The following TMPRSS11A variants were observed in gnomAD, a reference collection of about 807,000 sequenced individuals.
The protein encoded by TMPRSS11A is transmembrane protease serine 11A.
A neutral mutation model predicts 58.9 loss-of-function variants in TMPRSS11A; 53 were observed. The observed-to-expected ratio is 0.90, with a 90% CI of 0.72 to 1.13. The LOEUF (loss-of-function observed/expected upper bound fraction) is 1.13, where lower values mean the gene tolerates loss of function less well. Ranked by LOEUF, TMPRSS11A falls within the 50% of genes most tolerant of loss-of-function variation. The probability of loss-of-function intolerance (pLI) is 0.00; values close to 1 mark genes in which losing one functional copy is unlikely to be tolerated. For missense variants in TMPRSS11A, 493 were observed against 499.3 expected (o/e 0.99, Z 0.12); for synonymous variants, 167 against 169.8 (o/e 0.98, Z 0.13).
At chr4:67,924,587 A>G (rs572565294) in intron 5 of TMPRSS11A, among the ~76,000 whole-genome samples, 2 of 152,304 alleles carry the variant, frequency 1.3e-5, no homozygotes, top group South Asian at 2.1e-4. Flanking sequence ...TAATTTATAA[A>G]GAAAAAGAGG....
Position 67,932,079 on chromosome 4 carries a change from G to C in TMPRSS11A, c.253-19C>G, listed in dbSNP as rs753471886. On this transcript the variant is annotated intron_variant, in intron 3 of 9. Transcript: ENST00000508048. ...CATCCACCTGTTACACAACAAGAGA[G>C]AAACTATGTGTTAATAATATATTTT... 1.5e-6 allele frequency: 2 copies of C among 1,356,218 alleles called. No homozygotes were observed. Among genetic ancestry groups the C allele is most frequent in the Non-Finnish European group, 2.1e-6 (2 of 950,048 alleles). 84.0% of individuals were successfully genotyped at this position (1,356,218 alleles called of 1,614,324 possible). A position where few individuals can be genotyped will look rare whatever the true frequency, so the allele number is the denominator to read the frequency against.
At chr4:67,919,733 C>T (rs572878981) in intron 7 of TMPRSS11A, among the ~76,000 whole-genome samples, 13 of 152,228 alleles carry the variant, frequency 8.5e-5, no homozygotes, top group East Asian at 3.9e-4. Flanking sequence ...ATTTTGATAA[C>T]GCATTTGGGC....
chr4:67,937,839 G>A (rs904101051), intron 3 of TMPRSS11A, among the ~76,000 whole-genome samples: 1 of 151,952 alleles, frequency 6.6e-6, no homozygotes, highest in African/African-American at 2.4e-5. Flanking sequence ...CCACATCTTT[G>A]CTATTGTGAA....
intron 1 of TMPRSS11A, among the ~76,000 whole-genome samples, chr4:67,962,273 G>A (rs10030943): frequency 2.8e-4 from 42 of 152,146 alleles, no homozygotes; most frequent in African/African-American, 9.9e-4. Flanking sequence ...GATTACTGAA[G>A]GACTGATGCA....
chr4:67,953,861 T>C (rs569975100), intron 1 of TMPRSS11A, among the ~76,000 whole-genome samples: 1 of 152,244 alleles, frequency 6.6e-6, no homozygotes, highest in East Asian at 1.9e-4. Context: ...AAGGTGGCTC[T>C]AGATGTATTC....
intron 2 of TMPRSS11A, among the ~76,000 whole-genome samples, 169 bp from the exon 3 acceptor site, chr4:67,944,806 T>G (rs1265297211): frequency 6.6e-6 from 1 of 152,192 alleles, no homozygotes; most frequent in Non-Finnish European, 1.5e-5. Flanking sequence ...TAGCTGCCAT[T>G]TATTGAGTTT....
intron 3 of TMPRSS11A, among the ~76,000 whole-genome samples, chr4:67,936,059 GA>G (rs1261749434): frequency 2.0e-5 from 3 of 152,090 alleles, no homozygotes; most frequent in African/African-American, 7.2e-5. Context: ...TGCCCAAGTT[GA>G]CACCACAGAG....
rs1313545550 is a variant in TMPRSS11A at position 67,909,772 on chromosome 4, A to C, written c.*1570T>G. Reference sequence around the variant, plus strand: ...ATTCAATAAAAATAGTTAAGAATTCAATAAAAATAGTTAAGAATATACTCA... The same window carrying C: ...ATTCAATAAAAATAGTTAAGAATTCCATAAAAATAGTTAAGAATATACTCA... On this transcript the variant is annotated 3_prime_UTR_variant, in exon 10 of 10. Coordinates refer to ENST00000508048, the MANE Select transcript of TMPRSS11A (RefSeq NM_001114387.2). 1 of 152,144 alleles carries C rather than the reference A, an allele frequency of 6.6e-6. No individual in the cohort carries two copies. Among genetic ancestry groups the C allele is most frequent in the Non-Finnish European group, 1.5e-5 (1 of 67,974 alleles). 9.4% of individuals were successfully genotyped at this position (152,144 alleles called of 1,614,324 possible).
chr4:67,944,532 G>A lies in TMPRSS11A; in HGVS notation c.239C>T (p.Thr80Met), dbSNP rs187902089. ...NTYQLKDLRE[T>M]TENLVDEIFI... ...TACCTGACTCACCAAATTTTCGGTC[G>A]TCTCTCGTAAGTCCTTAAGTTGATA... Residue 80 changes from threonine (T) to methionine (M), a missense_variant, in exon 3 of 10, where the codon ACG becomes ATG. Thr to Met is a moderately conservative substitution (Grantham distance 81). Coordinates refer to ENST00000508048, the MANE Select transcript of TMPRSS11A (RefSeq NM_001114387.2). The A allele has an allele frequency of 4.8e-5, 77 of 1,607,270 alleles. No homozygotes were observed. The highest frequency in any genetic ancestry group is 3.3e-4 in the Middle Eastern group (2 of 6,034).
At chr4:67,962,989 C>A (rs186289488) in intron 1 of TMPRSS11A, among the ~76,000 whole-genome samples, 43 of 152,162 alleles carry the variant, frequency 2.8e-4, no homozygotes, top group Non-Finnish European at 5.1e-4. Flanking sequence ...GTAAACACAG[C>A]GAAAGAGAAA....
At chr4:67,955,377 C>T (rs1721261150) in intron 1 of TMPRSS11A, among the ~76,000 whole-genome samples, 1 of 152,158 alleles carries the variant, frequency 6.6e-6, no homozygotes, top group Non-Finnish European at 1.5e-5. Context: ...TGTGTACGCA[C>T]ACTTAGCTTT....
rs531997355 is a variant in TMPRSS11A, at chr4:67,909,548, A to C, written c.*1794T>G. 2.0e-5 allele frequency: 3 copies of C among 152,316 alleles called. No homozygotes were observed. Among genetic ancestry groups the C allele is most frequent in the Non-Finnish European group, 4.4e-5 (3 of 67,996 alleles). 9.4% of individuals were successfully genotyped at this position (152,316 alleles called of 1,614,324 possible). A position where few individuals can be genotyped will look rare whatever the true frequency, so the allele number is the denominator to read the frequency against. Reference sequence around the variant, plus strand: ...ATCTGAACATCCAAAGTCAGCATTAAGTTTTACCACCATAATATAGAATAA... The same window carrying C: ...ATCTGAACATCCAAAGTCAGCATTACGTTTTACCACCATAATATAGAATAA... On this transcript the variant is annotated 3_prime_UTR_variant, in exon 10 of 10. Transcript: ENST00000508048.
intron 1 of TMPRSS11A, among the ~76,000 whole-genome samples, chr4:67,947,541 T>C (rs2118622): frequency 1 from 152,127 of 152,318 alleles, 75,969 homozygotes; most frequent in Middle Eastern, 1. Context: ...ATTGGATTAC[T>C]TTTAGATTTT....
intron 7 of TMPRSS11A, among the ~76,000 whole-genome samples, chr4:67,919,654 A>G (rs750236979): frequency 5.9e-5 from 9 of 152,244 alleles, no homozygotes; most frequent in African/African-American, 1.9e-4. Flanking sequence ...ATAATCTTAA[A>G]CATTGATAAA....
At chr4:67,932,168 T>C in intron 3 of TMPRSS11A, 108 bp from the exon 4 acceptor site, 1 of 582,566 alleles carries the variant, frequency 1.7e-6, no homozygotes, top group Non-Finnish European at 3.0e-6. Context: ...AGAACTAACA[T>C]CATTATTTAA....
intron 2 of TMPRSS11A, among the ~76,000 whole-genome samples, chr4:67,945,069 G>A (rs1720970141): frequency 6.6e-6 from 1 of 152,166 alleles, no homozygotes; most frequent in Non-Finnish European, 1.5e-5. Flanking sequence ...ATACACTCTA[G>A]TGGAAGTAGA....
At chr4:67,961,291 A>G (rs1230895362) in intron 1 of TMPRSS11A, among the ~76,000 whole-genome samples, 1 of 152,112 alleles carries the variant, frequency 6.6e-6, no homozygotes, top group Non-Finnish European at 1.5e-5. Context: ...GTATTGTAGT[A>G]ATTATTAACC....
intron 3 of TMPRSS11A, among the ~76,000 whole-genome samples, chr4:67,941,263 T>C (rs1720873779): frequency 6.6e-6 from 1 of 152,184 alleles, no homozygotes; most frequent in Non-Finnish European, 1.5e-5. Context: ...GTTGTATTCA[T>C]TGGGATTTAG....
chr4:67,947,521 T>C (rs987973911), intron 1 of TMPRSS11A, among the ~76,000 whole-genome samples: 12 of 152,238 alleles, frequency 7.9e-5, no homozygotes, highest in Non-Finnish European at 1.5e-4. Context: ...ATATCCCTCA[T>C]TTCCTATAAA....
Sources: gnomAD v4.1 joint callset for allele counts (sites outside exome capture counted in the v4.1 genomes callset) on GRCh38, gnomAD v4.1.1 for gene constraint, MANE v1.5 for transcripts, NCBI Gene and HGNC (gene_info 2026-07-23, HGNC 2026-07-21) for gene names.